PTPRD: variants seen among roughly 807,000 people sequenced by gnomAD.
PTPRD encodes protein tyrosine phosphatase receptor type D, also known as receptor-type tyrosine-protein phosphatase delta.
Under a neutral mutation model 214.5 loss-of-function variants are expected in PTPRD, and 34 were observed. The ratio of observed to expected loss-of-function variants is 0.16; its 90% confidence interval spans 0.12 to 0.21. The LOEUF (loss-of-function observed/expected upper bound fraction) is 0.21, where lower values mean the gene tolerates loss of function less well. Among genes scored for constraint, PTPRD ranks in the 10% least tolerant of loss-of-function variants. The pLI is 1.00. For synonymous variants in PTPRD, 1,128 were observed against 845.7 expected (o/e 1.33, Z -5.79); for missense variants, 2,545 against 2,398.7 (o/e 1.06, Z -1.27).
chr9:8,714,322 G>A (rs571435469), intron 12 of PTPRD, among the ~76,000 whole-genome samples: 2 of 151,124 alleles, frequency 1.3e-5, no homozygotes, highest in East Asian at 3.9e-4. Flanking sequence ...TTTTTGTTTT[G>A]TTTTGTTTTG....
At chr9:10,326,261 T>G (rs958868780) in intron 3 of PTPRD, among the ~76,000 whole-genome samples, 1 of 151,022 alleles carries the variant, frequency 6.6e-6, no homozygotes, top group African/African-American at 2.4e-5. Context: ...AAAATGCTAA[T>G]GTCCAAAAAA....
At chr9:9,737,519 T>C (rs1159225221) in intron 6 of PTPRD, among the ~76,000 whole-genome samples, 1 of 152,174 alleles carries the variant, frequency 6.6e-6, no homozygotes, top group Non-Finnish European at 1.5e-5. Context: ...TCTTGTATCT[T>C]CTTCCCCTGA....
intron 8 of PTPRD, among the ~76,000 whole-genome samples, chr9:9,519,552 G>T (rs922332340): frequency 1.3e-5 from 2 of 151,862 alleles, no homozygotes; most frequent in East Asian, 1.9e-4. Context: ...AATACAAAAG[G>T]ATCGTATGAA....
intron 2 of PTPRD, among the ~76,000 whole-genome samples, chr9:10,599,152 T>C (rs999739113): frequency 5.3e-5 from 8 of 151,690 alleles, no homozygotes; most frequent in African/African-American, 1.7e-4. Flanking sequence ...TCTGACCCTG[T>C]AGATGAGGAC....
chr9:9,856,345 T>A (rs2061552517), intron 5 of PTPRD, among the ~76,000 whole-genome samples: 1 of 152,108 alleles, frequency 6.6e-6, no homozygotes. Context: ...ATAGAAGTTC[T>A]CACTTTGAGC....
chr9:8,424,215 T>TA (rs930445001), intron 35 of PTPRD, among the ~76,000 whole-genome samples: 1 of 152,144 alleles, frequency 6.6e-6, no homozygotes, highest in Non-Finnish European at 1.5e-5. Context: ...ACCTGACTAC[T>TA]ATGTGATCAC....
intron 2 of PTPRD, among the ~76,000 whole-genome samples, chr9:10,450,430 C>A (rs2098833511): frequency 6.6e-6 from 1 of 151,848 alleles, no homozygotes; most frequent in Non-Finnish European, 1.5e-5. Context: ...TTATTTAAGG[C>A]ATGCTATTTG....
rs201122675 is a variant in PTPRD at position 8,404,586 on chromosome 9, C to T, written c.4161G>A (p.Ala1387=). The T allele has an allele frequency of 8.8e-5, 142 of 1,613,520 alleles. No individual in the cohort carries two copies. The highest frequency in any genetic ancestry group is 3.7e-4 in the Admixed American group (22 of 60,014). The part of the protein sequence containing the change: ...LEVNKPKNRY[A]NVIAYDHSRV... The stretch of plus-strand genomic sequence containing the variant: ...GGGAATGATCATATGCGATTACATT[C>T]GCGTATCTATTCTTTGGTTTGTTTA... The change falls in exon 36 of 46, where the codon GCG becomes GCA. Residue 1387 remains alanine, a synonymous_variant. Coordinates refer to ENST00000381196, the MANE Select transcript of PTPRD (RefSeq NM_002839.4).
chr9:9,474,808 T>C (rs116055291), intron 8 of PTPRD, among the ~76,000 whole-genome samples: 1,680 of 152,288 alleles, frequency 0.011, 35 homozygotes, highest in African/African-American at 0.038. Context: ...ACTGAATTAA[T>C]TTATCAATTC....
At chr9:10,362,857 G>C (rs1429757890) in intron 2 of PTPRD, among the ~76,000 whole-genome samples, 1 of 152,108 alleles carries the variant, frequency 6.6e-6, no homozygotes, top group African/African-American at 2.4e-5. Flanking sequence ...TCCAGCTTGG[G>C]CGACAGAGTG....
chr9:10,393,857 A>G (rs1304816611), intron 2 of PTPRD, among the ~76,000 whole-genome samples: 1 of 148,606 alleles, frequency 6.7e-6, no homozygotes, highest in Non-Finnish European at 1.5e-5. Context: ...CTAACCATAG[A>G]ATCATCCTGA....
chr9:10,540,338 T>G (rs2058821281), intron 2 of PTPRD, among the ~76,000 whole-genome samples: 1 of 152,182 alleles, frequency 6.6e-6, no homozygotes, highest in African/African-American at 2.4e-5. Flanking sequence ...ATATTGTTCT[T>G]TTAAATTGGT....
chr9:8,852,192 A>C (rs996841931), intron 11 of PTPRD, among the ~76,000 whole-genome samples: 1 of 152,194 alleles, frequency 6.6e-6, no homozygotes, highest in African/African-American at 2.4e-5. Context: ...ACAATTCCCA[A>C]ATCTCAATTT....
At chr9:8,322,471 G>C (rs775929056) in intron 44 of PTPRD, among the ~76,000 whole-genome samples, 2 of 152,172 alleles carry the variant, frequency 1.3e-5, no homozygotes, top group African/African-American at 4.8e-5. Flanking sequence ...GGCCTGCATA[G>C]AAGATCAAAT....
At chr9:10,179,670 A>C (rs946690269) in intron 3 of PTPRD, among the ~76,000 whole-genome samples, 9 of 152,016 alleles carry the variant, frequency 5.9e-5, no homozygotes, top group Non-Finnish European at 1.2e-4. Context: ...ACCTATATTC[A>C]CCCATTCAAT....
intron 8 of PTPRD, among the ~76,000 whole-genome samples, chr9:9,403,421 T>TTCTCTC (rs150192743): frequency 0.019 from 2,903 of 149,136 alleles, 86 homozygotes; most frequent in African/African-American, 0.064. Context: ...CTCTCTCTCT[T>TTCTCTC]TCTCTCTCTC....
intron 8 of PTPRD, among the ~76,000 whole-genome samples, chr9:9,476,905 T>C (rs911213159): frequency 1.3e-5 from 2 of 151,846 alleles, no homozygotes; most frequent in African/African-American, 2.4e-5. Context: ...CTGACTAATT[T>C]TGTATTTTCA....
At chr9:8,448,360 AC>A (rs1180910476) in intron 34 of PTPRD, among the ~76,000 whole-genome samples, 1 of 152,004 alleles carries the variant, frequency 6.6e-6, no homozygotes, top group Non-Finnish European at 1.5e-5. Context: ...ACAACCAAAA[AC>A]AAAAAGAAGT....
chr9:8,710,139 T>G (rs2098299353), intron 12 of PTPRD, among the ~76,000 whole-genome samples: 2 of 152,178 alleles, frequency 1.3e-5, no homozygotes, highest in South Asian at 4.1e-4. Context: ...ATTAGCTCTT[T>G]GTTACTAATA....
Sources: gnomAD v4.1 joint callset for allele counts (sites outside exome capture counted in the v4.1 genomes callset) on GRCh38, gnomAD v4.1.1 for gene constraint, MANE v1.5 for transcripts, NCBI Gene and HGNC (gene_info 2026-07-23, HGNC 2026-07-21) for gene names.